Variants in TMEM38B observed in about 807,000 individuals in gnomAD.
TMEM38B encodes the protein transmembrane protein 38B, also known as trimeric intracellular cation channel type B.
A neutral mutation model predicts 28.7 loss-of-function variants in TMEM38B; 24 were observed. The ratio of observed to expected loss-of-function variants is 0.84; its 90% CI spans 0.61 to 1.18. The LOEUF (loss-of-function observed/expected upper bound fraction) is 1.18, where lower values mean the gene tolerates loss of function less well. Ranked by LOEUF, TMEM38B falls within the 50% of genes most tolerant of loss-of-function variation. The probability of loss-of-function intolerance (pLI) is 0.00; values close to 1 mark genes in which losing one functional copy is unlikely to be tolerated. For missense variants in TMEM38B, 380 were observed against 350.9 expected (o/e 1.08, Z -0.66); for synonymous variants, 131 against 127.7 (o/e 1.03, Z -0.17).
Position 105,705,658 on chromosome 9 carries a change from T to C in TMEM38B, c.174T>C (p.Cys58=). ...GCTGGTTTACTGCTATGCTCCACTG[T>C]TTTGGTGGAGGAATTTTATCCTGTC... The part of the protein sequence containing the change: ...ISSWFTAMLH[C]FGGGILSCLL... Residue 58 remains cysteine, a synonymous_variant, in exon 2 of 6, where the codon TGT becomes TGC. Transcript: ENST00000374692. 7 of 1,614,004 alleles carry C rather than the reference T, an allele frequency of 4.3e-6. No individual in the cohort carries two copies. The highest frequency in any genetic ancestry group is 5.9e-6 in the Non-Finnish European group (7 of 1,179,946).
rs775430133 is a variant in TMEM38B at position 105,762,152 on chromosome 9, A to G, written c.661-11713A>G. On this transcript the variant is annotated intron_variant, in intron 5 of 5. Coordinates refer to ENST00000374692, the MANE Select transcript of TMEM38B (RefSeq NM_018112.3). ...CAATATAATTTCATAATATTTCTCTATAAAGTGATAGTGTTCCATTTAACA... is the reference window on the plus strand; with the variant it reads ...CAATATAATTTCATAATATTTCTCTGTAAAGTGATAGTGTTCCATTTAACA... Among the ~76,000 whole-genome samples, 30 of 152,078 alleles carry G rather than the reference A, an allele frequency of 2.0e-4. 1 individual carries two copies. The highest frequency in any genetic ancestry group is 2.6e-4 in the Non-Finnish European group (18 of 68,014).
chr9:105,764,316 T>C lies in TMEM38B; in HGVS notation c.661-9549T>C, dbSNP rs1189558777. ...TGTCCCTGTTTGCAGACGACATGAT[T>C]GTATATCTAGAAAACCCCATTGTCT... On this transcript the variant is annotated intron_variant, in intron 5 of 5. Transcript: ENST00000374692. Among the ~76,000 whole-genome samples the C allele has an allele frequency of 5.3e-5, 8 of 152,132 alleles. No individual in the cohort carries two copies. In the East Asian group the frequency reaches 5.8e-4, roughly 11 times the overall value.
At chr9:105,759,265 G>A in intron 5 of TMEM38B, 1 of 722,704 alleles carries the variant, frequency 1.4e-6, no homozygotes, top group Non-Finnish European at 2.5e-6. Context: ...GTTTCAGATA[G>A]ATCCAGTGGG....
In TMEM38B at chr9:105,720,567, T is replaced by C. The variant is rs557998793; in HGVS notation, c.270-970T>C. Among the ~76,000 whole-genome samples the C allele has an allele frequency of 5.8e-4, 89 of 152,220 alleles. 1 individual carries two copies. In the Middle Eastern group the frequency reaches 0.021, roughly 35 times the overall value. ...AGGGTGCTTTAGGCTAAACAGACTA[T>C]TGTATCTTTTTATTTAGTCGCTGAA... On this transcript the variant is annotated intron_variant, in intron 2 of 5. Coordinates refer to ENST00000374692, the MANE Select transcript of TMEM38B (RefSeq NM_018112.3).
intron 2 of TMEM38B, among the ~76,000 whole-genome samples, chr9:105,709,854 G>A (rs971541070): frequency 1.3e-5 from 2 of 152,192 alleles, no homozygotes; most frequent in African/African-American, 2.4e-5. Flanking sequence ...CTTTTATATT[G>A]GACCATAACT....
intron 5 of TMEM38B, among the ~76,000 whole-genome samples, chr9:105,760,946 C>T (rs1190406247): frequency 2.6e-5 from 4 of 152,154 alleles, no homozygotes; most frequent in African/African-American, 9.7e-5. Flanking sequence ...ACTGAGAACA[C>T]GTAACAATAG....
At chr9:105,720,977 C>A (rs1190732658) in intron 2 of TMEM38B, among the ~76,000 whole-genome samples, 1 of 152,150 alleles carries the variant, frequency 6.6e-6, no homozygotes, top group Non-Finnish European at 1.5e-5. Context: ...ATTCTTTCAG[C>A]TGTATAGAAA....
At chr9:105,701,535 A>G (rs1000638192) in intron 1 of TMEM38B, 2 of 152,256 alleles carry the variant, frequency 1.3e-5, no homozygotes, top group Admixed American at 1.3e-4. Flanking sequence ...TTGACCCCGT[A>G]AAAATACTAC....
intron 5 of TMEM38B, among the ~76,000 whole-genome samples, chr9:105,753,187 A>C (rs771723859): frequency 1.3e-5 from 2 of 152,010 alleles, no homozygotes; most frequent in Non-Finnish European, 2.9e-5. Context: ...GACAGAACCT[A>C]TGATTGGAGT....
At chr9:105,703,799 C>T (rs1330805382) in intron 1 of TMEM38B, among the ~76,000 whole-genome samples, 17 of 152,098 alleles carry the variant, frequency 1.1e-4, no homozygotes, top group Admixed American at 2.6e-4. Context: ...TGATGGCCAG[C>T]GATGATGAGC....
intron 5 of TMEM38B, chr9:105,758,399 A>G (rs1837911232): frequency 7.5e-7 from 1 of 1,335,414 alleles, no homozygotes. Flanking sequence ...CATCTTTTCG[A>G]GCAGGAATGC....
chr9:105,713,231 G>T (rs1001237008), intron 2 of TMEM38B, among the ~76,000 whole-genome samples: 7 of 152,120 alleles, frequency 4.6e-5, no homozygotes, highest in Admixed American at 4.6e-4. Context: ...CTGACCTGCC[G>T]CTCCACGGAG....
In TMEM38B at chr9:105,762,827, G is replaced by T. The variant is rs1418397203; in HGVS notation, c.661-11038G>T. Among the ~76,000 whole-genome samples the T allele has an allele frequency of 1.6e-4, 24 of 149,526 alleles. No homozygotes were observed. In the South Asian group the frequency reaches 2.1e-3, roughly 13 times the overall value. On this transcript the variant is annotated intron_variant, in intron 5 of 5. Transcript: ENST00000374692. ...TTCTAATTCTAGATCCCTGAGGAAT[G>T]GCCACACTGACTTCCACAATGGTTG...
At chr9:105,726,616 A>C (rs1331970462) in intron 4 of TMEM38B, among the ~76,000 whole-genome samples, 1 of 152,048 alleles carries the variant, frequency 6.6e-6, no homozygotes, top group Non-Finnish European at 1.5e-5. Context: ...GCTGTTTTAC[A>C]GTTCACTTAA....
At chr9:105,765,024 G>T (rs1313034490) in intron 5 of TMEM38B, among the ~76,000 whole-genome samples, 1 of 152,204 alleles carries the variant, frequency 6.6e-6, no homozygotes, top group African/African-American at 2.4e-5. Context: ...CAACTGGCTA[G>T]CCATATGTAG....
chr9:105,709,143 A>G (rs2133558668), intron 2 of TMEM38B, among the ~76,000 whole-genome samples: 1 of 152,218 alleles, frequency 6.6e-6, no homozygotes, highest in South Asian at 2.1e-4. Flanking sequence ...ATAGCTGTCT[A>G]CCTTAAAATA....
chr9:105,773,716 G>A (rs1588486020), intron 5 of TMEM38B, 149 bp from the exon 6 acceptor site: 3 of 673,076 alleles, frequency 4.5e-6, no homozygotes, highest in East Asian at 5.5e-5. Flanking sequence ...ATCTCATGGA[G>A]AACAGAGATT....
At chr9:105,759,648 T>C (rs913316809) in intron 5 of TMEM38B, 3 of 1,600,016 alleles carry the variant, frequency 1.9e-6, no homozygotes, top group African/African-American at 1.3e-5. Context: ...GGCATCAATC[T>C]TTTCCAAACA....
At chr9:105,747,555 G>GT (rs1191266014) in intron 4 of TMEM38B, among the ~76,000 whole-genome samples, 1 of 152,056 alleles carries the variant, frequency 6.6e-6, no homozygotes, top group African/African-American at 2.4e-5. Flanking sequence ...TTTTTGAAGG[G>GT]TTTTTTGTGT....
Sources: gnomAD v4.1 joint callset for allele counts (sites outside exome capture counted in the v4.1 genomes callset) on GRCh38, gnomAD v4.1.1 for gene constraint, MANE v1.5 for transcripts, NCBI Gene and HGNC (gene_info 2026-07-23, HGNC 2026-07-21) for gene names.